SNX24: variants seen among roughly 807,000 people sequenced by gnomAD.
SNX24 encodes sorting nexin-24.
A neutral mutation model predicts 28.7 loss-of-function variants in SNX24; 22 were observed. The ratio of observed to expected loss-of-function variants is 0.77; its 90% CI spans 0.55 to 1.10. The LOEUF (loss-of-function observed/expected upper bound fraction) is 1.10. Among genes scored for constraint, SNX24 ranks in the 50% least tolerant of loss-of-function variants. The probability of loss-of-function intolerance (pLI) is 0.00; values close to 1 mark genes in which losing one functional copy is unlikely to be tolerated. For synonymous variants in SNX24, 69 were observed against 71.5 expected (o/e 0.96, Z 0.18); for missense variants, 221 against 201.1 (o/e 1.10, Z -0.60).
At chr5:122,942,244 G>A (rs1759486450) in intron 2 of SNX24, among the ~76,000 whole-genome samples, 1 of 152,146 alleles carries the variant, frequency 6.6e-6, no homozygotes, top group Non-Finnish European at 1.5e-5. Context: ...TAAATTAACT[G>A]TCTTCATTTT....
At chr5:122,904,857 C>T (rs1449705547) in intron 1 of SNX24, among the ~76,000 whole-genome samples, 1 of 152,168 alleles carries the variant, frequency 6.6e-6, no homozygotes, top group Non-Finnish European at 1.5e-5. Context: ...TATGCCACCA[C>T]TTTAGACCCA....
chr5:123,007,620 TTTGTTTCACATAAGAAAAG>T, intron 6 of SNX24, 43 bp from the exon 7 acceptor site: 1 of 1,416,220 alleles, frequency 7.1e-7, no homozygotes, highest in Non-Finnish European at 9.7e-7. Context: ...GCAATTATAT[TTTGTTTCACATAAGAAAAG>T]CAGTTTTTCT....
At chr5:122,990,272 A>G (rs1002139325) in intron 3 of SNX24, among the ~76,000 whole-genome samples, 1 of 152,242 alleles carries the variant, frequency 6.6e-6, no homozygotes, top group African/African-American at 2.4e-5. Context: ...TAAAGCATCA[A>G]TTACATTACT....
At chr5:122,981,983 G>GAA (rs2150157066) in intron 3 of SNX24, among the ~76,000 whole-genome samples, 1 of 152,338 alleles carries the variant, frequency 6.6e-6, no homozygotes, top group East Asian at 1.9e-4. Flanking sequence ...ATAGTCAAGA[G>GAA]AAAAAGATAG....
intron 1 of SNX24, among the ~76,000 whole-genome samples, chr5:122,859,954 A>G (rs1755379645): frequency 6.6e-6 from 1 of 152,320 alleles, no homozygotes; most frequent in South Asian, 2.1e-4. Flanking sequence ...TAAGATAAAG[A>G]TTGTAGAGAC....
intron 5 of SNX24, among the ~76,000 whole-genome samples, chr5:123,016,711 G>T (rs537954677): frequency 2.6e-5 from 4 of 152,224 alleles, no homozygotes; most frequent in Non-Finnish European, 4.4e-5. Flanking sequence ...TGATGGATTT[G>T]GATGTGGAAG....
At chr5:122,970,463 T>C (rs1407665959) in intron 3 of SNX24, among the ~76,000 whole-genome samples, 1 of 152,116 alleles carries the variant, frequency 6.6e-6, no homozygotes, top group East Asian at 1.9e-4. Flanking sequence ...AATTCCAGCC[T>C]TATTCTGCAC....
intron 1 of SNX24, among the ~76,000 whole-genome samples, chr5:122,875,551 T>C (rs1191600524): frequency 6.6e-6 from 1 of 151,948 alleles, no homozygotes; most frequent in South Asian, 2.1e-4. Context: ...TACGGGGGAG[T>C]GGTATCATCA....
intron 3 of SNX24, among the ~76,000 whole-genome samples, chr5:122,986,479 A>G (rs1308813990): frequency 6.6e-6 from 1 of 152,198 alleles, no homozygotes; most frequent in African/African-American, 2.4e-5. Context: ...CCAAAGAGTC[A>G]CAGAAAAAAG....
chr5:123,022,827 G>A (rs1306309116), intron 5 of SNX24: 9 of 152,336 alleles, frequency 5.9e-5, no homozygotes, highest in Non-Finnish European at 8.8e-5. Context: ...TGTTGTTGTC[G>A]TTGCTGTTTG....
intron 3 of SNX24, among the ~76,000 whole-genome samples, chr5:122,994,410 C>T (rs781763216): frequency 1.1e-4 from 16 of 152,132 alleles, no homozygotes; most frequent in Non-Finnish European, 1.6e-4. Flanking sequence ...TGGCATCTCA[C>T]GAAGGTTAGG....
At chr5:122,859,728 A>G (rs1755371404) in intron 1 of SNX24, among the ~76,000 whole-genome samples, 1 of 152,194 alleles carries the variant, frequency 6.6e-6, no homozygotes, top group Admixed American at 6.5e-5. Context: ...TCTTGAGAAC[A>G]TGTGTCCAAG....
intron 1 of SNX24, among the ~76,000 whole-genome samples, chr5:122,924,646 G>C (rs992479690): frequency 2.6e-5 from 4 of 152,206 alleles, no homozygotes; most frequent in Non-Finnish European, 5.9e-5. Flanking sequence ...GAGGATAACA[G>C]AATGCATTGA....
At chr5:122,939,524 T>C (rs925376861) in intron 2 of SNX24, among the ~76,000 whole-genome samples, 2 of 152,250 alleles carry the variant, frequency 1.3e-5, no homozygotes, top group Non-Finnish European at 2.9e-5. Flanking sequence ...ATGACATTTA[T>C]TCTAAATGTA....
intron 4 of SNX24, 151 bp from the exon 5 acceptor site, chr5:123,001,254 A>G (rs1030397271): frequency 1.7e-5 from 11 of 652,638 alleles, no homozygotes; most frequent in African/African-American, 1.7e-4. Context: ...GGGCATAGCC[A>G]TGCTGTGGCT....
At chr5:123,001,836 G>A in intron 5 of SNX24, 104 bp from the exon 6 acceptor site, 1 of 925,064 alleles carries the variant, frequency 1.1e-6, no homozygotes, top group African/African-American at 1.6e-5. Flanking sequence ...CATAAACCTT[G>A]AGACGTCCCC....
chr5:122,995,523 C>T (rs1419872784), intron 3 of SNX24, among the ~76,000 whole-genome samples: 4 of 152,098 alleles, frequency 2.6e-5, no homozygotes, highest in Non-Finnish European at 5.9e-5. Context: ...GAGAACTGTT[C>T]AGCGCATTTG....
intron 5 of SNX24, among the ~76,000 whole-genome samples, chr5:123,026,446 C>T (rs1762855083): frequency 6.6e-6 from 1 of 152,194 alleles, no homozygotes; most frequent in Admixed American, 6.5e-5. Context: ...TCAATATATA[C>T]CCACACCGAA....
intron 1 of SNX24, among the ~76,000 whole-genome samples, chr5:122,934,992 A>G (rs1759121117): frequency 6.6e-6 from 1 of 152,006 alleles, no homozygotes. Context: ...CCTGGCCTTC[A>G]AGGGGGGGCA....
Sources: allele counts gnomAD v4.1 joint callset (sites outside exome capture counted in the v4.1 genomes callset), GRCh38; gene constraint gnomAD v4.1.1; transcripts MANE v1.5; gene names NCBI Gene and HGNC (gene_info 2026-07-23, HGNC 2026-07-21).